The following ZNF462 variants were observed in gnomAD, a reference collection of about 807,000 sequenced individuals.
ZNF462 encodes the protein zinc finger PBX1-interacting protein.
In ZNF462, 10 loss-of-function variants were observed where a neutral mutation model predicts 201.9. The observed-to-expected ratio is 0.05, with a 90% confidence interval of 0.03 to 0.08. The LOEUF is 0.08. ZNF462 is among the 10% of genes least tolerant of loss of function. The pLI is 1.00. For missense variants in ZNF462, 2,523 were observed against 3,168.3 expected, an observed-to-expected ratio of 0.80 and a Z score of 4.89; for synonymous variants, 1,227 against 1,193.3, an observed-to-expected ratio of 1.03 and a Z score of -0.58.
chr9:106,904,273 T>A (rs958766323), intron 1 of ZNF462, among the ~76,000 whole-genome samples: 1 of 152,224 alleles, frequency 6.6e-6, no homozygotes, highest in East Asian at 1.9e-4. Context: ...CCCTTCTAGC[T>A]TGTAGGGTTT....
Position 106,925,007 on chromosome 9 carries a change from T to C in ZNF462, c.1095T>C (p.Tyr365=), listed in dbSNP as rs1000152. Residue 365 remains tyrosine, a synonymous_variant, in exon 3 of 13, where the codon TAT becomes TAC. Transcript: ENST00000277225. The surrounding 1 kb of genome is among the most constrained non-coding windows in gnomAD (Gnocchi z 7.9). ...TTAACTTGACAGAGAGATCCCGTTA[T>C]GGAATGACTGACATGACCAATTCTT... ...GLVNLTERSR[Y]GMTDMTNSSA... 0.11 allele frequency: 178,520 copies of C among 1,614,026 alleles called. 13,689 individuals are homozygous for C. Among genetic ancestry groups the C allele is most frequent in the African/African-American group, 0.39 (29,279 of 74,910 alleles).
rs749296677 is a variant in ZNF462, at chr9:106,923,076, GAAGT to G, written c.-30-276_-30-273del. The stretch of plus-strand genomic sequence containing the variant: ...AAGCTCAGAAACTTCTAAAACTTTT[GAAGT>G]ATTAAGCGTTTCCTTGACAAATGGC... On this transcript the variant is annotated intron_variant, in intron 1 of 12. Transcript: ENST00000277225. This position sits in a 1 kb window ranked among gnomAD's most constrained non-coding sequence, Gnocchi z 5.6. Among the ~76,000 whole-genome samples the G allele has an allele frequency of 6.6e-6, 1 of 152,190 alleles. No individual in the cohort carries two copies. The highest frequency in any genetic ancestry group is 1.5e-5 in the Non-Finnish European group (1 of 68,042).
intron 1 of ZNF462, among the ~76,000 whole-genome samples, chr9:106,878,951 A>T (rs1369103586): frequency 6.6e-6 from 1 of 152,106 alleles, no homozygotes; most frequent in African/African-American, 2.4e-5. Context: ...TGCTGCTGTA[A>T]ACTGTCCCCA....
chr9:106,968,334 G>A lies in ZNF462; in HGVS notation c.6428-3671G>A, dbSNP rs2131993228. Among the ~76,000 whole-genome samples, 1 of 152,252 alleles carries A rather than the reference G, an allele frequency of 6.6e-6. No homozygotes were observed. Among genetic ancestry groups the A allele is most frequent in the Non-Finnish European group, 1.5e-5 (1 of 68,016 alleles). ...ATAAATTCTAAATCCTATAGGCACT[G>A]TGACCATCATTGCTAAAATTCTAAT... On this transcript the variant is annotated intron_variant, in intron 7 of 12. Coordinates refer to ENST00000277225, the MANE Select transcript of ZNF462 (RefSeq NM_021224.6). This position sits in a 1 kb window ranked among gnomAD's most constrained non-coding sequence, Gnocchi z 4.0.
rs1829109230 is a variant in ZNF462 at position 106,902,609 on chromosome 9, T to C, written c.-30-20745T>C. 6.6e-6 allele frequency among the ~76,000 whole-genome samples: 1 copy of C among 152,178 alleles called. No individual in the cohort carries two copies. The highest frequency in any genetic ancestry group is 2.4e-5 in the African/African-American group (1 of 41,450). On this transcript the variant is annotated intron_variant, in intron 1 of 12. Coordinates refer to ENST00000277225, the MANE Select transcript of ZNF462 (RefSeq NM_021224.6). The surrounding 1 kb of genome is among the most constrained non-coding windows in gnomAD (Gnocchi z 4.2). Reference sequence around the variant, plus strand: ...TCATTTCAATCTCACTGCTTGTTATTGGTCTGTTCAGGGTACCTAATTCTT... The same window carrying C: ...TCATTTCAATCTCACTGCTTGTTATCGGTCTGTTCAGGGTACCTAATTCTT...
intron 1 of ZNF462, among the ~76,000 whole-genome samples, chr9:106,922,779 G>A (rs1277555779): frequency 6.6e-6 from 1 of 151,996 alleles, no homozygotes; most frequent in Non-Finnish European, 1.5e-5. Flanking sequence ...AAAGAGAGGT[G>A]CACCCCAATA....
In ZNF462 at chr9:106,923,899, T is replaced by C. The variant is rs567722839; in HGVS notation, c.221-234T>C. 9.2e-5 allele frequency among the ~76,000 whole-genome samples: 14 copies of C among 152,238 alleles called. No homozygotes were observed. Among genetic ancestry groups the C allele is most frequent in the South Asian group, 2.1e-4 (1 of 4,834 alleles). On this transcript the variant is annotated intron_variant, in intron 2 of 12. Transcript: ENST00000277225. The surrounding 1 kb of genome is among the most constrained non-coding windows in gnomAD (Gnocchi z 5.6). ...TATTTTTATAGCTGTGTGGCTCATT[T>C]ATGGAGATGAGGAGAATACCTAAAG...
chr9:106,864,878 A>G (rs192608273), intron 1 of ZNF462, among the ~76,000 whole-genome samples: 11 of 152,204 alleles, frequency 7.2e-5, no homozygotes, highest in African/African-American at 4.8e-5. Flanking sequence ...AAGAGCTGGG[A>G]ACTGAGTCAG....
rs1299573265 is a variant in ZNF462, at chr9:106,966,577, C to T, written c.6428-5428C>T. Among the ~76,000 whole-genome samples the T allele has an allele frequency of 1.3e-5, 2 of 152,082 alleles. No homozygotes were observed. Among genetic ancestry groups the T allele is most frequent in the Admixed American group, 6.6e-5 (1 of 15,250 alleles). ...TCCTTCCCCTGCCTGTTTATAAATA[C>T]CTCTATTAAAACATTTTGTTTGCAT... is the stretch of plus-strand genomic sequence containing the variant. On this transcript the variant is annotated intron_variant, in intron 7 of 12. Transcript: ENST00000277225. This position sits in a 1 kb window ranked among gnomAD's most constrained non-coding sequence, Gnocchi z 4.4.
chr9:106,924,534 C>T lies in ZNF462; in HGVS notation c.622C>T (p.Pro208Ser). 6.2e-7 allele frequency: 1 copy of T among 1,614,120 alleles called. No homozygotes were observed. Among genetic ancestry groups the T allele is most frequent in the Non-Finnish European group, 8.5e-7 (1 of 1,180,012 alleles). The change falls in exon 3 of 13, where the codon CCG becomes TCG. Residue 208 changes from proline (P) to serine (S), a missense_variant. Around this residue, in one of 15 missense-constraint regions of ZNF462, gnomAD observed 480 missense variants for 544.4 expected, o/e 0.88. Transcript: ENST00000277225. The surrounding 1 kb of genome is among the most constrained non-coding windows in gnomAD (Gnocchi z 6.2). ...APAPMPDPVV[P>S]PVSLQDPCKE... ...TGCTCCAATGCCAGACCCTGTGGTT[C>T]CGCCCGTATCACTGCAGGACCCCTG...
Position 106,932,478 on chromosome 9 carries a change from C to T in ZNF462, c.6045C>T (p.Ala2015=). The T allele has an allele frequency of 6.2e-7, 1 of 1,614,232 alleles. No homozygotes were observed. Among genetic ancestry groups the T allele is most frequent in the Non-Finnish European group, 8.5e-7 (1 of 1,180,044 alleles). The part of the protein sequence containing the change: ...GLRSHERSHL[A]LAMFTREDKY... Reference sequence around the variant, plus strand: ...GTTCTCATGAGAGGAGCCACCTGGCCCTGGCCATGTTTACCCGCGAGGACA... The same window carrying T: ...GTTCTCATGAGAGGAGCCACCTGGCTCTGGCCATGTTTACCCGCGAGGACA... Residue 2015 remains alanine (A), a synonymous_variant, in exon 5 of 13, where the codon GCC becomes GCT. Transcript: ENST00000277225. This position sits in a 1 kb window ranked among gnomAD's most constrained non-coding sequence, Gnocchi z 6.8.
intron 4 of ZNF462, among the ~76,000 whole-genome samples, chr9:106,931,383 T>C (rs961861275): frequency 6.6e-6 from 1 of 152,216 alleles, no homozygotes; most frequent in Non-Finnish European, 1.5e-5. Context: ...CTAAGCCCTA[T>C]TATTTATTAA....
chr9:106,906,599 CAG>C (rs1405526830), intron 1 of ZNF462, among the ~76,000 whole-genome samples: 1 of 152,112 alleles, frequency 6.6e-6, no homozygotes, highest in Non-Finnish European at 1.5e-5. Context: ...GAATCCCAGA[CAG>C]GGTGGAAAAA....
At position 106,954,778 on chromosome 9, in the gene ZNF462, A is replaced by G. The variant is rs1831502735; in HGVS notation, c.6427+15671A>G. 2.0e-5 allele frequency among the ~76,000 whole-genome samples: 3 copies of G among 152,172 alleles called. No homozygotes were observed. In the South Asian group the frequency reaches 6.2e-4, roughly 32 times the overall value. The stretch of plus-strand genomic sequence containing the variant: ...GATGTGAGTCAACTCTTCCTCTGAA[A>G]TCCCTCAATGCTGTGCCCTACCTCT... On this transcript the variant is annotated intron_variant, in intron 7 of 12. Coordinates refer to ENST00000277225, the MANE Select transcript of ZNF462 (RefSeq NM_021224.6). This position sits in a 1 kb window ranked among gnomAD's most constrained non-coding sequence, Gnocchi z 4.0.
chr9:106,870,142 A>G lies in ZNF462; in HGVS notation c.-31+6787A>G, dbSNP rs1827525951. Among the ~76,000 whole-genome samples, 1 of 152,200 alleles carries G rather than the reference A, an allele frequency of 6.6e-6. No individual in the cohort carries two copies. Among genetic ancestry groups the G allele is most frequent in the South Asian group, 2.1e-4 (1 of 4,832 alleles). On this transcript the variant is annotated intron_variant, in intron 1 of 12. Transcript: ENST00000277225. This position sits in a 1 kb window ranked among gnomAD's most constrained non-coding sequence, Gnocchi z 4.3. ...TTAATTATTTTCACGGCTTAGAAGG[A>G]CAAAGGATAGAGTGGTGTGGTGTGA...
chr9:106,960,020 G>T (rs1554711011), intron 7 of ZNF462, among the ~76,000 whole-genome samples: 1 of 151,692 alleles, frequency 6.6e-6, no homozygotes, highest in Non-Finnish European at 1.5e-5. Context: ...GAAAATAAAA[G>T]AAAAAAAGGG....
intron 1 of ZNF462, among the ~76,000 whole-genome samples, chr9:106,915,090 G>T (rs1829714784): frequency 6.6e-6 from 1 of 151,780 alleles, no homozygotes; most frequent in Non-Finnish European, 1.5e-5. Flanking sequence ...GGCCTCAAAA[G>T]ACTTGCTCTC....
rs1412112100 is a variant in ZNF462, at chr9:106,930,420, CT to C, written c.5848-104del. On this transcript the variant is annotated intron_variant, in intron 3 of 12. Coordinates refer to ENST00000277225, the MANE Select transcript of ZNF462 (RefSeq NM_021224.6). This position sits in a 1 kb window ranked among gnomAD's most constrained non-coding sequence, Gnocchi z 5.8. ...GCCTATATCTCCCTTGGTTTTTAAC[CT>C]GCTAATCGGCTTTAAAATAAAGTAT... The C allele has an allele frequency of 1.3e-5, 18 of 1,438,318 alleles. No homozygotes were observed. Among genetic ancestry groups the C allele is most frequent in the Non-Finnish European group, 1.6e-5 (17 of 1,065,836 alleles). 89.1% of individuals were successfully genotyped at this position (1,438,318 alleles called of 1,614,324 possible). A position where few individuals can be genotyped will look rare whatever the true frequency, so the allele number is the denominator to read the frequency against.
chr9:106,924,121 C>CTTT lies in ZNF462; in HGVS notation c.221-9_221-7dup. On this transcript the variant is annotated splice_polypyrimidine_tract_variant and intron_variant, in intron 2 of 12. Transcript: ENST00000277225. The surrounding 1 kb of genome is among the most constrained non-coding windows in gnomAD (Gnocchi z 6.2). The stretch of plus-strand genomic sequence containing the variant: ...CTTTTGCTTTGTCACTTTCCTTATG[C>CTTT]TTTTTCTTTAGGTCAAAATGCAACT... The CTTT allele has an allele frequency of 6.3e-7, 1 of 1,579,406 alleles. No homozygotes were observed. The highest frequency in any genetic ancestry group is 1.9e-5 in the Admixed American group (1 of 53,110).
Sources: allele counts gnomAD v4.1 joint callset (sites outside exome capture counted in the v4.1 genomes callset), GRCh38; gene constraint gnomAD v4.1.1; regional missense constraint gnomAD v4.1.1; non-coding constraint Gnocchi (gnomAD v3.1); transcripts MANE v1.5; gene names NCBI Gene and HGNC (gene_info 2026-07-23, HGNC 2026-07-21).